AGBL1: variants seen among roughly 807,000 people sequenced by gnomAD.
The protein encoded by AGBL1 is cytosolic carboxypeptidase 4.
AGBL1 carries 130 observed loss-of-function variants against 118.9 expected under a neutral mutation model. The observed-to-expected ratio is 1.09, with a 90% CI of 0.95 to 1.26. The LOEUF is 1.26. AGBL1 is among the 50% of genes most tolerant of loss of function. AGBL1 has a pLI of 0.00. For synonymous variants in AGBL1, 555 were observed against 478.9 expected, an observed-to-expected ratio of 1.16 and a Z score of -2.08; for missense variants, 1,584 against 1,298.1, an observed-to-expected ratio of 1.22 and a Z score of -3.38.
At chr15:86,362,709 G>A (rs1055881329) in intron 17 of AGBL1, among the ~76,000 whole-genome samples, 1 of 152,202 alleles carries the variant, frequency 6.6e-6, no homozygotes, top group African/African-American at 2.4e-5. Context: ...GGGTTCCCAG[G>A]CAGGCAGGGC....
At chr15:86,728,529 C>G (rs2086852480) in intron 22 of AGBL1, among the ~76,000 whole-genome samples, 1 of 152,086 alleles carries the variant, frequency 6.6e-6, no homozygotes, top group Non-Finnish European at 1.5e-5. Flanking sequence ...TTTCAGCTGC[C>G]TTTTTACTCA....
chr15:86,283,637 C>T (rs997803727), intron 16 of AGBL1, among the ~76,000 whole-genome samples: 1 of 152,152 alleles, frequency 6.6e-6, no homozygotes, highest in African/African-American at 2.4e-5. Flanking sequence ...TGTTGACTTA[C>T]ATGTGGCATA....
At chr15:86,636,706 T>C (rs1479835887) in intron 21 of AGBL1, among the ~76,000 whole-genome samples, 1 of 8,672 alleles carries the variant, frequency 1.2e-4, no homozygotes, top group Non-Finnish European at 2.4e-4. Flanking sequence ...ACCAGTCATA[T>C]ATATATATAT....
At chr15:86,701,498 CA>C (rs1159516158) in intron 22 of AGBL1, among the ~76,000 whole-genome samples, 1 of 151,978 alleles carries the variant, frequency 6.6e-6, no homozygotes, top group Admixed American at 6.6e-5. Flanking sequence ...GTGGGTAAAT[CA>C]AGATTAAATT....
chr15:86,444,694 G>A (rs757524488), intron 18 of AGBL1, among the ~76,000 whole-genome samples: 8 of 152,110 alleles, frequency 5.3e-5, no homozygotes, highest in Non-Finnish European at 1.0e-4. Context: ...AAGGGAGAGC[G>A]TGCTGGGAGT....
intron 16 of AGBL1, among the ~76,000 whole-genome samples, chr15:86,291,186 T>C (rs8043081): frequency 0.045 from 6,817 of 152,296 alleles, 227 homozygotes; most frequent in African/African-American, 0.098. Flanking sequence ...TGTCTGAGCA[T>C]ACATGCTACA....
chr15:86,196,288 C>G (rs528872560), intron 5 of AGBL1, among the ~76,000 whole-genome samples: 2 of 152,134 alleles, frequency 1.3e-5, no homozygotes, highest in Non-Finnish European at 2.9e-5. Context: ...GATGGCATCA[C>G]AGGCTTAGTT....
In AGBL1 at chr15:86,180,560, G is replaced by A. The variant is rs117078106; in HGVS notation, c.488+21534G>A. Among the ~76,000 whole-genome samples, 334 of 152,214 alleles carry A rather than the reference G, an allele frequency of 2.2e-3. 9 individuals carry two copies. The East Asian group carries it at 0.062, about 28-fold the overall frequency. Reference sequence around the variant, plus strand: ...CATAGACTTAAATGTGCAACCTACAGCTATAACATTTCTGGAAGAAAACAC... The same window carrying A: ...CATAGACTTAAATGTGCAACCTACAACTATAACATTTCTGGAAGAAAACAC... On this transcript the variant is annotated intron_variant, in intron 5 of 22. Coordinates refer to ENST00000614907, the MANE Select transcript of AGBL1 (RefSeq NM_001386094.1).
intron 22 of AGBL1, among the ~76,000 whole-genome samples, chr15:86,803,205 T>C (rs940962172): frequency 3.9e-5 from 6 of 152,006 alleles, no homozygotes; most frequent in African/African-American, 1.4e-4. Context: ...GGGAGGGAGG[T>C]GATTGGATCA....
chr15:86,875,127 AG>A (rs772543568), intron 22 of AGBL1, among the ~76,000 whole-genome samples: 8 of 152,224 alleles, frequency 5.3e-5, no homozygotes, highest in Non-Finnish European at 1.0e-4. Flanking sequence ...CATGACCCCC[AG>A]AGAAAACGTG....
intron 22 of AGBL1, among the ~76,000 whole-genome samples, chr15:86,802,149 C>A (rs1596494758): frequency 6.6e-6 from 1 of 152,126 alleles, no homozygotes; most frequent in African/African-American, 2.4e-5. Context: ...ATTCCATATA[C>A]AGAAACAGTG....
intron 6 of AGBL1, among the ~76,000 whole-genome samples, chr15:86,242,983 C>G (rs908472440): frequency 2.0e-5 from 3 of 152,156 alleles, no homozygotes; most frequent in Admixed American, 2.0e-4. Flanking sequence ...AGTGCCTTCA[C>G]GAGCTAGGCA....
chr15:86,995,409 A>C lies in AGBL1; in HGVS notation c.3323+7321A>C, dbSNP rs141165200. ...TCAAAAATAAATAAGTAAATAAACA[A>C]ACATAGGGGCACTAAGGTACATAGA... On this transcript the variant is annotated intron_variant, in intron 24 of 24. Transcript: ENST00000441037. Among the ~76,000 whole-genome samples the C allele has an allele frequency of 4.0e-4, 61 of 152,162 alleles. No homozygotes were observed. The East Asian group carries it at 0.012, about 29-fold the overall frequency.
intron 19 of AGBL1, among the ~76,000 whole-genome samples, chr15:86,538,517 A>G (rs1363253430): frequency 6.6e-6 from 1 of 152,246 alleles, no homozygotes; most frequent in South Asian, 2.1e-4. Context: ...AACTCCATTT[A>G]GGAACTTGGG....
At chr15:86,668,494 A>C (rs1378383801) in intron 21 of AGBL1, among the ~76,000 whole-genome samples, 1 of 152,188 alleles carries the variant, frequency 6.6e-6, no homozygotes, top group Admixed American at 6.5e-5. Flanking sequence ...TATTTCTGGC[A>C]GTAAATCTAT....
chr15:86,892,565 C>G lies in AGBL1; in HGVS notation c.3159-14522C>G, dbSNP rs572990488. ...TATCTAAACTTCTAAATCTCTTTTT[C>G]CAATTGTTAAGTAGGATTGATAAGA... is the stretch of plus-strand genomic sequence containing the variant. On this transcript the variant is annotated intron_variant, in intron 22 of 22. Transcript: ENST00000614907. Among the ~76,000 whole-genome samples, 84 of 151,882 alleles carry G rather than the reference C, an allele frequency of 5.5e-4. No homozygotes were observed. The South Asian group carries it at 0.016, about 29-fold the overall frequency.
chr15:86,578,353 T>C (rs2084123685), intron 21 of AGBL1, among the ~76,000 whole-genome samples: 1 of 152,236 alleles, frequency 6.6e-6, no homozygotes, highest in South Asian at 2.1e-4. Flanking sequence ...ATTTACCCAA[T>C]GCCTGTATCC....
At chr15:86,925,417 A>T (rs72754053) in intron 23 of AGBL1, among the ~76,000 whole-genome samples, 5,869 of 152,128 alleles carry the variant, frequency 0.039, 152 homozygotes, top group Middle Eastern at 0.062. Flanking sequence ...TTATAGGGCA[A>T]AGAAGAAGCA....
chr15:86,761,091 A>T (rs1015071008), intron 22 of AGBL1, among the ~76,000 whole-genome samples: 6 of 152,038 alleles, frequency 3.9e-5, no homozygotes, highest in Non-Finnish European at 8.8e-5. Context: ...GGATTTTAGG[A>T]GCCTCTTCCT....
Sources: allele counts gnomAD v4.1 joint callset (sites outside exome capture counted in the v4.1 genomes callset), GRCh38; gene constraint gnomAD v4.1.1; transcripts MANE v1.5; gene names NCBI Gene and HGNC (gene_info 2026-07-23, HGNC 2026-07-21).